KCNG3: variants seen among roughly 807,000 people sequenced by gnomAD.
KCNG3 encodes the protein voltage-gated potassium channel regulatory subunit KCNG3.
KCNG3 carries 15 observed loss-of-function variants against 29.0 expected under a neutral mutation model. That is an observed-to-expected ratio of 0.52 (90% CI 0.35 to 0.80). KCNG3 has a LOEUF of 0.80. Ranked by LOEUF, KCNG3 falls within the 30% of genes least tolerant of loss-of-function variation. KCNG3 has a pLI of 0.01. For synonymous variants in KCNG3, 322 were observed against 248.9 expected (o/e 1.29, Z -2.76); for missense variants, 512 against 605.7 (o/e 0.85, Z 1.62).
chr2:42,403,922 T>C, the KCNG3 span, among the ~76,000 whole-genome samples: 2 of 152,168 alleles, frequency 1.3e-5, no homozygotes, highest in African/African-American at 4.8e-5. Flanking sequence ...TTCTTAAGAT[T>C]GTACTTTAAC....
At chr2:42,469,280 G>C (rs1673225975) in intron 1 of KCNG3, among the ~76,000 whole-genome samples, 2 of 151,818 alleles carry the variant, frequency 1.3e-5, no homozygotes, top group African/African-American at 4.8e-5. Flanking sequence ...AGCCAGGTGT[G>C]GTGGTGCATG....
chr2:42,466,118 C>G (rs1233626642), intron 1 of KCNG3, among the ~76,000 whole-genome samples: 1 of 152,032 alleles, frequency 6.6e-6, no homozygotes, highest in African/African-American at 2.4e-5. Flanking sequence ...TTTAAATACA[C>G]AAATAGGCTA....
chr2:42,466,475 C>T (rs1335869661), intron 1 of KCNG3, among the ~76,000 whole-genome samples: 1 of 152,130 alleles, frequency 6.6e-6, no homozygotes, highest in African/African-American at 2.4e-5. Context: ...TTGTAACTGC[C>T]TACAGTATTC....
At chr2:42,411,348 T>C in the KCNG3 span, among the ~76,000 whole-genome samples, 1 of 152,218 alleles carries the variant, frequency 6.6e-6, no homozygotes, top group Admixed American at 6.5e-5. Context: ...ATTACATTTA[T>C]AAATTAAGTT....
At chr2:42,420,315 T>C in the KCNG3 span, among the ~76,000 whole-genome samples, 1 of 152,242 alleles carries the variant, frequency 6.6e-6, no homozygotes, top group Non-Finnish European at 1.5e-5. Flanking sequence ...TACAAAGAGC[T>C]AGTGTGCTTT....
the KCNG3 span, chr2:42,388,579 T>C: frequency 6.6e-6 from 1 of 152,214 alleles, no homozygotes; most frequent in Non-Finnish European, 1.5e-5. Context: ...CTTTTCGCTG[T>C]GTGCTCACAT....
the KCNG3 span, among the ~76,000 whole-genome samples, chr2:42,425,511 G>A: frequency 6.6e-6 from 1 of 151,852 alleles, no homozygotes; most frequent in Admixed American, 6.6e-5. Flanking sequence ...AGTGGGAGGA[G>A]GATCATGTGG....
the KCNG3 span, among the ~76,000 whole-genome samples, chr2:42,429,637 C>T: frequency 3.3e-5 from 5 of 152,170 alleles, no homozygotes; most frequent in South Asian, 2.1e-4. Context: ...CCAACACTTC[C>T]TTCTAAAAGA....
chr2:42,446,034 AG>A (rs1265608237), intron 1 of KCNG3, among the ~76,000 whole-genome samples: 1 of 151,914 alleles, frequency 6.6e-6, no homozygotes, highest in Admixed American at 6.6e-5. Flanking sequence ...GCCAACGGGT[AG>A]GATTCTTGAA....
intron 1 of KCNG3, among the ~76,000 whole-genome samples, chr2:42,489,023 A>G (rs1673805467): frequency 6.6e-6 from 1 of 152,020 alleles, no homozygotes; most frequent in African/African-American, 2.4e-5. Flanking sequence ...AGCTGGGCAC[A>G]GTGGCTCACA....
chr2:42,414,456 G>A, the KCNG3 span, among the ~76,000 whole-genome samples: 1 of 151,846 alleles, frequency 6.6e-6, no homozygotes, highest in Non-Finnish European at 1.5e-5. Flanking sequence ...TTCCTTTGTA[G>A]ATAATCTGTC....
chr2:42,489,523 C>T (rs1390613), intron 1 of KCNG3, among the ~76,000 whole-genome samples: 32,728 of 152,126 alleles, frequency 0.22, 3,583 homozygotes, highest in Middle Eastern at 0.29. Context: ...ATAACCATCA[C>T]GCTAAGAAGG....
the KCNG3 span, among the ~76,000 whole-genome samples, chr2:42,434,666 C>CAAAA: frequency 3.9e-4 from 25 of 64,690 alleles, 2 homozygotes; most frequent in African/African-American, 1.2e-3. Context: ...AACTCCATCT[C>CAAAA]AAAAAAAAAA....
At chr2:42,438,838 C>G (rs1025055768), downstream of KCNG3, among the ~76,000 whole-genome samples, 1 of 149,726 alleles carries the variant, frequency 6.7e-6, no homozygotes, top group African/African-American at 2.6e-5. Flanking sequence ...CATTAGTCTA[C>G]TTTCAGAAGC....
At position 42,493,613 on chromosome 2, in the gene KCNG3, C is replaced by A; in HGVS notation, c.-112G>T. 1.0e-6 allele frequency: 1 copy of A among 962,930 alleles called. No homozygotes were observed. The highest frequency in any genetic ancestry group is 1.3e-6 in the Non-Finnish European group (1 of 745,888). 59.6% of individuals were successfully genotyped at this position (962,930 alleles called of 1,614,324 possible). On this transcript the variant is annotated 5_prime_UTR_variant, in exon 1 of 2. Coordinates refer to ENST00000306078, the MANE Select transcript of KCNG3 (RefSeq NM_133329.6). ...CTGACGGGGGAGCGCGCCGTCGGGG[C>A]CCGCGCTCCCTCGGGGCTCCGCTCC... is the stretch of plus-strand genomic sequence containing the variant.
intron 1 of KCNG3, among the ~76,000 whole-genome samples, chr2:42,462,553 G>A (rs1442364741): frequency 2.0e-5 from 3 of 152,074 alleles, no homozygotes; most frequent in African/African-American, 7.2e-5. Flanking sequence ...GTGGTGGCAC[G>A]TGCCTGTAAT....
intron 1 of KCNG3, among the ~76,000 whole-genome samples, chr2:42,456,192 T>C (rs1413118045): frequency 2.0e-5 from 3 of 152,156 alleles, no homozygotes; most frequent in Admixed American, 6.6e-5. Flanking sequence ...CAGTATAAGA[T>C]GAAAGGCATA....
chr2:42,458,094 A>G (rs982864372), intron 1 of KCNG3, among the ~76,000 whole-genome samples: 2 of 152,074 alleles, frequency 1.3e-5, no homozygotes, highest in Admixed American at 6.6e-5. Flanking sequence ...TACATTCCTC[A>G]CTTGATACTA....
the KCNG3 span, among the ~76,000 whole-genome samples, chr2:42,433,009 T>C: frequency 7.1e-6 from 1 of 140,200 alleles, no homozygotes; most frequent in Non-Finnish European, 1.6e-5. Context: ...CTCAACCAAG[T>C]AAAGGGAATC....
Sources: allele counts gnomAD v4.1 joint callset (sites outside exome capture counted in the v4.1 genomes callset), GRCh38; gene constraint gnomAD v4.1.1; transcripts MANE v1.5; gene names NCBI Gene and HGNC (gene_info 2026-07-23, HGNC 2026-07-21).